PLB1: variants seen among roughly 807,000 people sequenced by gnomAD.
PLB1 encodes phospholipase B1, also known as phospholipase B1, membrane-associated.
Under a neutral mutation model 227.4 loss-of-function variants are expected in PLB1, and 242 were observed. The ratio of observed to expected loss-of-function variants is 1.06; its 90% CI spans 0.96 to 1.18. The LOEUF (loss-of-function observed/expected upper bound fraction) is 1.18. PLB1 is among the 50% of genes most tolerant of loss of function. The pLI, the probability that PLB1 is intolerant of heterozygous loss-of-function variation, is 0.00. For missense variants in PLB1, 1,858 were observed against 1,816.3 expected, an observed-to-expected ratio of 1.02 and a Z score of -0.42; for synonymous variants, 757 against 682.2, an observed-to-expected ratio of 1.11 and a Z score of -1.71.
At chr2:28,502,786 G>A (rs1667244831) in intron 1 of PLB1, among the ~76,000 whole-genome samples, 1 of 152,096 alleles carries the variant, frequency 6.6e-6, no homozygotes, top group Non-Finnish European at 1.5e-5. Context: ...TTCTGGAATA[G>A]TTTGTAATAA....
chr2:28,573,486 C>T (rs990063603), intron 21 of PLB1, among the ~76,000 whole-genome samples, 181 bp downstream of exon 21: 2 of 152,340 alleles, frequency 1.3e-5, no homozygotes, highest in Admixed American at 6.5e-5. Flanking sequence ...CCTACCCTAA[C>T]ACCCACCCCC....
intron 14 of PLB1, among the ~76,000 whole-genome samples, chr2:28,548,097 T>C (rs572222892): frequency 6.6e-6 from 1 of 151,982 alleles, no homozygotes; most frequent in South Asian, 2.1e-4. Context: ...GAGTGTTGGC[T>C]GTGCTGTGTT....
intron 14 of PLB1, 114 bp downstream of exon 14, chr2:28,543,382 G>T: frequency 1.8e-6 from 2 of 1,130,728 alleles, no homozygotes; most frequent in Non-Finnish European, 2.5e-6. Flanking sequence ...CCAGGACAAT[G>T]GTTCTGGGCC....
At chr2:28,547,093 C>A (rs140324083) in intron 14 of PLB1, among the ~76,000 whole-genome samples, 1 of 150,928 alleles carries the variant, frequency 6.6e-6, no homozygotes, top group Non-Finnish European at 1.5e-5. Context: ...CCCAGCTACT[C>A]GGGAAGCTGA....
rs766575760 is a variant in PLB1, at chr2:28,606,574, G to A, written c.3129+7G>A. The A allele has an allele frequency of 1.9e-6, 3 of 1,613,628 alleles. No homozygotes were observed. Among genetic ancestry groups the A allele is most frequent in the South Asian group, 1.1e-5 (1 of 91,072 alleles). On this transcript the variant is annotated splice_region_variant and intron_variant, in intron 43 of 57. Coordinates refer to ENST00000327757, the MANE Select transcript of PLB1 (RefSeq NM_153021.5). ...CATCACCTGTCCCACTCAGGTAGTAGGGGAGGACCTGCCTGGCTCCTCTCC... is the reference window on the plus strand; with the variant it reads ...CATCACCTGTCCCACTCAGGTAGTAAGGGAGGACCTGCCTGGCTCCTCTCC...
chr2:28,602,675 G>A (rs983331712), intron 38 of PLB1, 146 bp from the exon 39 acceptor site: 14 of 694,754 alleles, frequency 2.0e-5, no homozygotes, highest in East Asian at 5.2e-5. Context: ...AAGGCCCTAC[G>A]AGGTAGCCCT....
chr2:28,559,516 T>G (rs569185626), intron 17 of PLB1, among the ~76,000 whole-genome samples: 4 of 152,328 alleles, frequency 2.6e-5, no homozygotes, highest in African/African-American at 4.8e-5. Context: ...CTCTCCCCAT[T>G]GCAGACAGCA....
At chr2:28,513,186 A>G (rs1397614197) in intron 1 of PLB1, among the ~76,000 whole-genome samples, 1 of 152,180 alleles carries the variant, frequency 6.6e-6, no homozygotes, top group African/African-American at 2.4e-5. Flanking sequence ...AAAGCCAGGC[A>G]TTGTATATAA....
At chr2:28,541,185 T>TAAA (rs1553414256) in intron 12 of PLB1, among the ~76,000 whole-genome samples, 44,537 of 150,024 alleles carry the variant, frequency 0.3, 7,711 homozygotes, top group Non-Finnish European at 0.4. Flanking sequence ...AATAAATAAA[T>TAAA]TAAATAAATA....
Position 28,620,873 on chromosome 2 carries a change from C to T in PLB1, c.3428-6C>T. 6.2e-7 allele frequency: 1 copy of T among 1,612,298 alleles called. No homozygotes were observed. The highest frequency in any genetic ancestry group is 8.5e-7 in the Non-Finnish European group (1 of 1,178,394). On this transcript the variant is annotated splice_region_variant and splice_polypyrimidine_tract_variant and intron_variant, in intron 48 of 57. Coordinates refer to ENST00000327757, the MANE Select transcript of PLB1 (RefSeq NM_153021.5). ...GTGCTCTTCTCCTCCTCCTCCTCCT[C>T]TAAAGACATTCTGAAGAAGTTCAAC... is the stretch of plus-strand genomic sequence containing the variant.
chr2:28,617,728 AC>A lies in PLB1; in HGVS notation c.3198del (p.Trp1067GlyfsTer38). The A allele has an allele frequency of 6.2e-7, 1 of 1,614,094 alleles. No homozygotes were observed. The highest frequency in any genetic ancestry group is 8.5e-7 in the Non-Finnish European group (1 of 1,179,946). On this transcript the variant is annotated frameshift_variant and splice_region_variant, in exon 45 of 58. Coordinates refer to ENST00000327757, the MANE Select transcript of PLB1 (RefSeq NM_153021.5). LOFTEE classifies it high-confidence loss of function. ...YTYPIKPAIE[N>X]WGSDFLCTEW... ...GAATCTTTTCTCCTGTTGATTTAGA[AC>A]TGGGGCAGTGACTTCCTGTGTACAG... is the stretch of plus-strand genomic sequence containing the variant.
At chr2:28,498,121 T>G (rs905907899) in intron 1 of PLB1, among the ~76,000 whole-genome samples, 5 of 151,850 alleles carry the variant, frequency 3.3e-5, no homozygotes, top group Admixed American at 1.3e-4. Flanking sequence ...ATATCTTATA[T>G]TTCCTTCTAA....
chr2:28,628,609 T>C lies in PLB1; in HGVS notation c.3707T>C (p.Leu1236Pro), dbSNP rs1292813464. 6.2e-7 allele frequency: 1 copy of C among 1,614,048 alleles called. No individual in the cohort carries two copies. The highest frequency in any genetic ancestry group is 8.5e-7 in the Non-Finnish European group (1 of 1,180,018). ...TATGTTCAGCACATCCAACAGGCCC[T>C]GGACATCCTCTCTGAGGAGGTAGGA... is the stretch of plus-strand genomic sequence containing the variant. Reference protein sequence around the residue: ...TEYVQHIQQALDILSEELPRA... With the variant: ...TEYVQHIQQAPDILSEELPRA... Residue 1236 changes from leucine to proline, a missense_variant, in exon 52 of 58, where the codon CTG (leucine) becomes CCG (proline). Physicochemically the swap from Leu to Pro is moderately conservative, Grantham distance 98. Transcript: ENST00000327757.
chr2:28,600,784 A>T (rs767402348), intron 35 of PLB1, 25 bp from the exon 36 acceptor site: 2 of 1,611,612 alleles, frequency 1.2e-6, no homozygotes, highest in Admixed American at 3.3e-5. Flanking sequence ...CCTCAACAGA[A>T]GGATGGGTTT....
intron 21 of PLB1, among the ~76,000 whole-genome samples, chr2:28,577,417 G>C (rs1306624970): frequency 6.6e-6 from 1 of 152,238 alleles, no homozygotes; most frequent in Non-Finnish European, 1.5e-5. Flanking sequence ...TTAGGCCATG[G>C]CACCTGCCAA....
At chr2:28,590,181 C>T (rs1382042157) in intron 29 of PLB1, 105 bp downstream of exon 29, 19 of 966,538 alleles carry the variant, frequency 2.0e-5, no homozygotes, top group Non-Finnish European at 3.0e-5. Flanking sequence ...CCCACCCACC[C>T]CATTTTATAC....
chr2:28,550,158 A>T, intron 16 of PLB1, 74 bp downstream of exon 16: 1 of 1,160,812 alleles, frequency 8.6e-7, no homozygotes, highest in South Asian at 1.4e-5. Context: ...AATCTTTCGA[A>T]CCTTCCACGT....
At chr2:28,499,523 G>GTTT (rs112085758) in intron 1 of PLB1, among the ~76,000 whole-genome samples, 4 of 136,746 alleles carry the variant, frequency 2.9e-5, no homozygotes, top group Admixed American at 7.4e-5. Flanking sequence ...CTGCACAACA[G>GTTT]TTTTTTTTTT....
intron 57 of PLB1, among the ~76,000 whole-genome samples, chr2:28,642,037 T>TTCA (rs745699658): frequency 6.6e-6 from 1 of 152,052 alleles, no homozygotes; most frequent in Non-Finnish European, 1.5e-5. Context: ...TTCCTGGAGG[T>TTCA]TCATCTTCCA....
Sources: allele counts gnomAD v4.1 joint callset (sites outside exome capture counted in the v4.1 genomes callset), GRCh38; gene constraint gnomAD v4.1.1; transcripts MANE v1.5; gene names NCBI Gene and HGNC (gene_info 2026-07-23, HGNC 2026-07-21).